The following ARSF variants were observed in gnomAD, a reference collection of about 807,000 sequenced individuals.
ARSF encodes the protein arylsulfatase F.
A neutral mutation model predicts 35.4 loss-of-function variants in ARSF; 33 were observed. That is an observed-to-expected ratio of 0.93 (90% CI 0.71 to 1.25). ARSF has a LOEUF of 1.25. ARSF is among the 50% of genes most tolerant of loss of function. The pLI is 0.00. For missense variants in ARSF, 501 were observed against 480.2 expected (o/e 1.04, Z -0.40); for synonymous variants, 222 against 193.1 (o/e 1.15, Z -1.24).
In ARSF at chrX:3,083,856, T is replaced by C. The variant is rs1197627555; in HGVS notation, c.407-387T>C. Among the ~76,000 whole-genome samples the C allele has an allele frequency of 2.7e-5, 3 of 111,932 alleles. No homozygotes were observed. In the Admixed American group the frequency reaches 2.9e-4, roughly 11 times the overall value. Reference sequence around the variant, plus strand: ...TGTAACCTGCCTTGTCTCTGCGGTGTATCTATTCTTCCATCATCTGTAACC... The same window carrying C: ...TGTAACCTGCCTTGTCTCTGCGGTGCATCTATTCTTCCATCATCTGTAACC... On this transcript the variant is annotated intron_variant, in intron 5 of 10. Coordinates refer to ENST00000381127, the MANE Select transcript of ARSF (RefSeq NM_001201539.2).
intron 8 of ARSF, among the ~76,000 whole-genome samples, chrX:3,103,365 A>C (rs1215259586): frequency 9.0e-6 from 1 of 111,407 alleles, no homozygotes; most frequent in Non-Finnish European, 1.9e-5. Context: ...CGCCTCATTG[A>C]GGTTACTGTG....
In ARSF at chrX:3,056,225, T is replaced by C. The variant is rs775799252; in HGVS notation, c.-28-11848T>C. On this transcript the variant is annotated intron_variant, in intron 1 of 10. Transcript: ENST00000381127. ...ATCTGCCTGTCTCAACCTCTCAAGG[T>C]GTTGGGATTACAGGCGTGAGCCACT... Among the ~76,000 whole-genome samples the C allele has an allele frequency of 1.8e-3, 194 of 108,601 alleles. 2 individuals are homozygous for C. Among genetic ancestry groups the C allele is most frequent in the African/African-American group, 6.0e-3 (179 of 29,737 alleles). 94.3% of individuals were successfully genotyped at this position (108,601 alleles called of 115,157 possible).
At position 3,112,451 on chromosome X, in the gene ARSF, T is replaced by C; in HGVS notation, c.1668T>C (p.Asn556=). ...VPVTYQLSEL[N]QGRTWLKPCC... ...TGACCTACCAACTCTCAGAACTGAA[T>C]CAGGGCAGGACGTGGCTGAAGCCTT... The change falls in exon 11 of 11, where the codon AAT becomes AAC. Residue 556 remains asparagine (N), a synonymous_variant. Coordinates refer to ENST00000381127, the MANE Select transcript of ARSF (RefSeq NM_001201539.2). 1 of 1,211,541 alleles carries C rather than the reference T, an allele frequency of 8.3e-7. No individual in the cohort carries two copies. Among genetic ancestry groups the C allele is most frequent in the Admixed American group, 2.2e-5 (1 of 45,953 alleles).
intron 1 of ARSF, among the ~76,000 whole-genome samples, chrX:3,048,317 G>A (rs2089983495): frequency 8.9e-6 from 1 of 112,355 alleles, no homozygotes; most frequent in Non-Finnish European, 1.9e-5. Flanking sequence ...AAGATAAGAA[G>A]CTACATACCC....
intron 9 of ARSF, among the ~76,000 whole-genome samples, chrX:3,108,072 A>G (rs1022631635): frequency 2.7e-5 from 3 of 111,938 alleles, no homozygotes; most frequent in Admixed American, 9.5e-5. Flanking sequence ...ATTGAAAGAC[A>G]GTCCTATCTC....
intron 1 of ARSF, among the ~76,000 whole-genome samples, chrX:3,041,946 T>C (rs1424682102): frequency 3.6e-5 from 4 of 112,288 alleles, no homozygotes; most frequent in African/African-American, 9.7e-5. Flanking sequence ...ATTAGAAATA[T>C]CTTAAAAATT....
chrX:3,077,879 T>C (rs941670541), intron 4 of ARSF, among the ~76,000 whole-genome samples: 7 of 103,338 alleles, frequency 6.8e-5, no homozygotes, highest in African/African-American at 2.5e-4. Flanking sequence ...TCTCGGCTCA[T>C]TGCAACCTCT....
chrX:3,108,478 T>G (rs940545703), intron 9 of ARSF, among the ~76,000 whole-genome samples: 3 of 111,989 alleles, frequency 2.7e-5, no homozygotes, highest in Admixed American at 9.5e-5. Context: ...TTTGTGGCTT[T>G]TCTCATACAA....
At chrX:3,102,635 T>A (rs958721890) in intron 8 of ARSF, among the ~76,000 whole-genome samples, 5 of 112,371 alleles carry the variant, frequency 4.4e-5, no homozygotes, top group Non-Finnish European at 7.5e-5. Flanking sequence ...GAACTGTTTT[T>A]AAAAATTTTT....
At chrX:3,072,235 T>C in intron 3 of ARSF, 60 bp downstream of exon 3, 1 of 1,132,598 alleles carries the variant, frequency 8.8e-7, no homozygotes, top group Non-Finnish European at 1.2e-6. Context: ...GCAGGCTGGC[T>C]GTACGGCTGC....
chrX:3,072,063 T>C lies in ARSF; in HGVS notation c.49T>C (p.Leu17=), dbSNP rs746840430. ...CTTCATGTCTTTGGTGTGTGCACTC[T>C]TGAACACATGCCAGGCACACAGGGT... ...LVFMSLVCAL[L]NTCQAHRVHD... is the part of the protein sequence containing the mutation. The change falls in exon 3 of 11, where the codon TTG becomes CTG. Residue 17 remains leucine, a synonymous_variant. Transcript: ENST00000381127. The C allele has an allele frequency of 2.5e-6, 3 of 1,203,018 alleles. No individual in the cohort carries two copies. Among genetic ancestry groups the C allele is most frequent in the Non-Finnish European group, 3.4e-6 (3 of 893,737 alleles).
At chrX:3,084,140 A>G (rs2090226130) in intron 5 of ARSF, 103 bp from the exon 6 acceptor site, 2 of 952,251 alleles carry the variant, frequency 2.1e-6, no homozygotes, top group Admixed American at 2.5e-5. Context: ...ATTTTTGTGT[A>G]TTAGCTGATT....
At chrX:3,054,916 G>A (rs1021526024) in intron 1 of ARSF, among the ~76,000 whole-genome samples, 1 of 105,847 alleles carries the variant, frequency 9.4e-6, no homozygotes, top group East Asian at 3.0e-4. Flanking sequence ...TTTGTATTTA[G>A]TAGAGACAGG....
Position 3,110,169 on chromosome X carries a change from A to G in ARSF, c.1307A>G (p.Asn436Ser), listed in dbSNP as rs376974194. The change falls in exon 10 of 11, where the codon AAC becomes AGC. Residue 436 changes from asparagine (N) to serine (S), a missense_variant. Asn to Ser is a conservative substitution (Grantham distance 46). Transcript: ENST00000381127. ...GACCTCATGCCCTTGCTGCAGGGCA[A>G]CGTCAGGCACTCGGAGCATGAATTT... ...GRDLMPLLQGNVRHSEHEFLF... is the reference protein window; with the variant it reads ...GRDLMPLLQGSVRHSEHEFLF... 5.0e-6 allele frequency: 6 copies of G among 1,202,241 alleles called. No homozygotes were observed. In the African/African-American group the frequency reaches 8.8e-5, roughly 18 times the overall value.
At chrX:3,080,777 C>T in intron 4 of ARSF, 114 bp from the exon 5 acceptor site, 2 of 935,466 alleles carry the variant, frequency 2.1e-6, no homozygotes, top group Non-Finnish European at 2.9e-6. Context: ...AAAAGCCCTA[C>T]CTCCTAACCA....
At chrX:3,108,260 A>G (rs1374696593) in intron 9 of ARSF, among the ~76,000 whole-genome samples, 1 of 112,056 alleles carries the variant, frequency 8.9e-6, no homozygotes, top group East Asian at 2.8e-4. Context: ...TTCTTCTTCA[A>G]AAAATTTTAA....
intron 1 of ARSF, among the ~76,000 whole-genome samples, chrX:3,048,236 G>A (rs1235105958): frequency 2.7e-5 from 3 of 112,249 alleles, no homozygotes; most frequent in African/African-American, 9.7e-5. Context: ...ACTAAGCCAA[G>A]GGAAAAGTCA....
intron 1 of ARSF, among the ~76,000 whole-genome samples, chrX:3,063,755 G>C (rs1161636397): frequency 8.9e-6 from 1 of 111,843 alleles, no homozygotes; most frequent in Non-Finnish European, 1.9e-5. Context: ...CAAGGGATGT[G>C]AAGGACCTCT....
chrX:3,083,023 TTATC>T (rs200437660), intron 5 of ARSF, among the ~76,000 whole-genome samples: 2,797 of 110,068 alleles, frequency 0.025, 46 homozygotes, highest in Middle Eastern at 0.062. Flanking sequence ...TATCATCTAT[TTATC>T]TATCTATCCA....
Sources: gnomAD v4.1 joint callset for allele counts (sites outside exome capture counted in the v4.1 genomes callset) on GRCh38, gnomAD v4.1.1 for gene constraint, MANE v1.5 for transcripts, NCBI Gene and HGNC (gene_info 2026-07-23, HGNC 2026-07-21) for gene names.